The following LMO3 variants were observed in gnomAD, a reference collection of about 807,000 sequenced individuals.
LMO3 encodes the protein LIM domain only protein 3.
In LMO3, 2 loss-of-function variants were observed where a neutral mutation model predicts 15.8. The ratio of observed to expected loss-of-function variants is 0.13; its 90% confidence interval spans 0.05 to 0.40. LMO3 has a LOEUF of 0.40. Among genes scored for constraint, LMO3 ranks in the 10% least tolerant of loss-of-function variants. LMO3 has a pLI of 0.99. For synonymous variants in LMO3, 62 were observed against 63.8 expected (o/e 0.97, Z 0.13); for missense variants, 86 against 182.2 (o/e 0.47, Z 3.04).
rs1184859350 is a variant in LMO3 at position 16,560,037 on chromosome 12, C to T, written c.332+376G>A. On this transcript the variant is annotated intron_variant, in intron 3 of 3. Coordinates refer to ENST00000537304, the MANE Select transcript of LMO3 (RefSeq NM_018640.5). The surrounding 1 kb of genome is among the most constrained non-coding windows in gnomAD (Gnocchi z 5.0). ...TAATAAGAATATAAAATACCTGCAA[C>T]AAATTCCTGTATATTTGCTTCATTG... is the stretch of plus-strand genomic sequence containing the variant. Among the ~76,000 whole-genome samples the T allele has an allele frequency of 2.0e-5, 3 of 151,990 alleles. No individual in the cohort carries two copies. Among genetic ancestry groups the T allele is most frequent in the Non-Finnish European group, 4.4e-5 (3 of 67,990 alleles).
At position 16,551,062 on chromosome 12, in the gene LMO3, C is replaced by T. The variant is rs1239151648; in HGVS notation, c.*160G>A. ...TCAACTCTGAACTGGGGCAATTTCA[C>T]TACATACAGATGCAGTCCGCCTTTT... On this transcript the variant is annotated 3_prime_UTR_variant, in exon 4 of 4. Transcript: ENST00000537304. The T allele has an allele frequency of 1.1e-5, 6 of 545,802 alleles. No individual in the cohort carries two copies. Among genetic ancestry groups the T allele is most frequent in the African/African-American group, 3.7e-5 (2 of 53,504 alleles). The allele number at this position is 545,802 out of a possible 1,614,324, so 33.8% of individuals were successfully genotyped here.
At chr12:16,595,560 T>C (rs1374101453) in intron 2 of LMO3, among the ~76,000 whole-genome samples, 1 of 151,396 alleles carries the variant, frequency 6.6e-6, no homozygotes, top group Non-Finnish European at 1.5e-5. Context: ...CGCTAAAATA[T>C]TTAAAACAGA....
At chr12:16,572,339 CTTTTTTTTT>C (rs59773866) in intron 2 of LMO3, among the ~76,000 whole-genome samples, 4 of 89,530 alleles carry the variant, frequency 4.5e-5, no homozygotes, top group East Asian at 3.5e-4. Context: ...GGTCCAAACT[CTTTTTTTTT>C]TTTTTTTTTT....
rs1262734082 is a variant in LMO3 at position 16,604,677 on chromosome 12, A to C, written c.-9+1389T>G. 3.1e-6 allele frequency: 2 copies of C among 644,630 alleles called. No individual in the cohort carries two copies. The highest frequency in any genetic ancestry group is 5.3e-6 in the Non-Finnish European group (2 of 375,450). 39.9% of individuals were successfully genotyped at this position (644,630 alleles called of 1,614,324 possible). On this transcript the variant is annotated intron_variant, in intron 1 of 3. Coordinates refer to ENST00000537304, the MANE Select transcript of LMO3 (RefSeq NM_018640.5). The surrounding 1 kb of genome is among the most constrained non-coding windows in gnomAD (Gnocchi z 5.3). Reference sequence around the variant, plus strand: ...AGCCACACAGGGATGGTTTGCAAAGAATGTAGCAGTATTTGTTGCATCTAG... The same window carrying C: ...AGCCACACAGGGATGGTTTGCAAAGCATGTAGCAGTATTTGTTGCATCTAG...
intron 2 of LMO3, among the ~76,000 whole-genome samples, chr12:16,579,680 C>T (rs528976963): frequency 1.7e-4 from 26 of 152,302 alleles, no homozygotes; most frequent in Admixed American, 1.4e-3. Context: ...CTCAACCCCA[C>T]CTAGCCTACT....
At chr12:16,556,438 C>T (rs956756817) in intron 3 of LMO3, among the ~76,000 whole-genome samples, 1 of 152,142 alleles carries the variant, frequency 6.6e-6, no homozygotes, top group African/African-American at 2.4e-5. Flanking sequence ...GACAATCAAT[C>T]CTGAAAGGTT....
Position 16,560,601 on chromosome 12 carries a change from A to G in LMO3, c.207-63T>C, listed in dbSNP as rs535443745. ...TACAGAGAAATCTGAGATCGTGAAG[A>G]GAGATGATGTTAATATACTCTGTAA... is the stretch of plus-strand genomic sequence containing the variant. On this transcript the variant is annotated intron_variant, in intron 2 of 3. Coordinates refer to ENST00000537304, the MANE Select transcript of LMO3 (RefSeq NM_018640.5). This position sits in a 1 kb window ranked among gnomAD's most constrained non-coding sequence, Gnocchi z 5.0. The G allele has an allele frequency of 1.0e-4, 151 of 1,454,598 alleles. 2 individuals carry two copies. In the South Asian group the frequency reaches 1.7e-3, roughly 16 times the overall value. 90.1% of individuals were successfully genotyped at this position (1,454,598 alleles called of 1,614,324 possible).
intron 2 of LMO3, among the ~76,000 whole-genome samples, chr12:16,580,581 T>C (rs1306877133): frequency 6.6e-6 from 1 of 152,192 alleles, no homozygotes; most frequent in East Asian, 1.9e-4. Flanking sequence ...GGTAGTAGAT[T>C]ATATAAAATT....
rs1943729925 is a variant in LMO3 at position 16,598,600 on chromosome 12, A to G, written c.206+2055T>C. 6.6e-6 allele frequency: 1 copy of G among 152,226 alleles called. No homozygotes were observed. Among genetic ancestry groups the G allele is most frequent in the Admixed American group, 6.5e-5 (1 of 15,276 alleles). The allele number at this position is 152,226 out of a possible 1,614,324, so 9.4% of individuals were successfully genotyped here. A position where few individuals can be genotyped will look rare whatever the true frequency, so the allele number is the denominator to read the frequency against. On this transcript the variant is annotated intron_variant, in intron 2 of 3. Transcript: ENST00000537304. The surrounding 1 kb of genome is among the most constrained non-coding windows in gnomAD (Gnocchi z 4.3). Reference sequence around the variant, plus strand: ...GGTAACTGAAAGTTATTCTACAAAAAGCCACATACACTCTTATAGAGATAC... The same window carrying G: ...GGTAACTGAAAGTTATTCTACAAAAGGCCACATACACTCTTATAGAGATAC...
rs891989275 is a variant in LMO3, at chr12:16,576,497, T to A, written c.207-15959A>T. On this transcript the variant is annotated intron_variant, in intron 2 of 3. Coordinates refer to ENST00000537304, the MANE Select transcript of LMO3 (RefSeq NM_018640.5). This position sits in a 1 kb window ranked among gnomAD's most constrained non-coding sequence, Gnocchi z 4.1. ...GATCTATGAAGCCTCTCTGATTTCC[T>A]TGAGGCAGAATAAATAACACACTTC... 6.6e-6 allele frequency among the ~76,000 whole-genome samples: 1 copy of A among 152,216 alleles called. No homozygotes were observed. Among genetic ancestry groups the A allele is most frequent in the African/African-American group, 2.4e-5 (1 of 41,444 alleles).
chr12:16,552,621 C>G (rs867194806), intron 3 of LMO3, among the ~76,000 whole-genome samples: 4 of 151,978 alleles, frequency 2.6e-5, no homozygotes, highest in African/African-American at 9.7e-5. Context: ...AAAGAATTAG[C>G]TTTCCTCTTA....
intron 2 of LMO3, chr12:16,573,814 A>C (rs1007946540): frequency 6.6e-6 from 1 of 152,184 alleles, no homozygotes; most frequent in Non-Finnish European, 1.5e-5. Flanking sequence ...ATCCTGCTTT[A>C]CCACGTTAAG....
chr12:16,556,233 G>T (rs965133933), intron 3 of LMO3, among the ~76,000 whole-genome samples: 1 of 152,082 alleles, frequency 6.6e-6, no homozygotes, highest in Non-Finnish European at 1.5e-5. Context: ...AGGAGAAGGG[G>T]CTTATTCACC....
chr12:16,603,021 AG>A lies in LMO3; in HGVS notation c.-8-2154del, dbSNP rs922469235. On this transcript the variant is annotated intron_variant, in intron 1 of 3. Transcript: ENST00000537304. This position sits in a 1 kb window ranked among gnomAD's most constrained non-coding sequence, Gnocchi z 4.9. ...AAAAAAAAAATCCCAGTAGCAGCTA[AG>A]TTATATTTCCCACAGTTGTGTTTCT... is the stretch of plus-strand genomic sequence containing the variant. Among the ~76,000 whole-genome samples, 4 of 152,130 alleles carry A rather than the reference AG, an allele frequency of 2.6e-5. No homozygotes were observed. Among genetic ancestry groups the A allele is most frequent in the African/African-American group, 9.7e-5 (4 of 41,440 alleles).
At chr12:16,552,535 G>C (rs1263661430) in intron 3 of LMO3, among the ~76,000 whole-genome samples, 2 of 151,884 alleles carry the variant, frequency 1.3e-5, no homozygotes, top group Admixed American at 1.3e-4. Flanking sequence ...TTTCCAACTG[G>C]GTAGCTTTGG....
In LMO3 at chr12:16,569,686, G is replaced by T. The variant is rs980227553; in HGVS notation, c.207-9148C>A. Reference sequence around the variant, plus strand: ...AATCACAAAATCTTCGATCTGAAAAGAATCTTTTGTTGCTAGAATAAAAGA... The same window carrying T: ...AATCACAAAATCTTCGATCTGAAAATAATCTTTTGTTGCTAGAATAAAAGA... On this transcript the variant is annotated intron_variant, in intron 2 of 3. Transcript: ENST00000537304. Among the ~76,000 whole-genome samples, 7 of 152,182 alleles carry T rather than the reference G, an allele frequency of 4.6e-5. No homozygotes were observed. The South Asian group carries it at 8.3e-4, about 18-fold the overall frequency.
intron 2 of LMO3, among the ~76,000 whole-genome samples, chr12:16,572,339 C>CT (rs59773866): frequency 0.41 from 36,436 of 89,754 alleles, 8,356 homozygotes; most frequent in South Asian, 0.49. Flanking sequence ...GGTCCAAACT[C>CT]TTTTTTTTTT....
Position 16,590,144 on chromosome 12 carries a change from A to C in LMO3, c.206+10511T>G, listed in dbSNP as rs548979760. Reference sequence around the variant, plus strand: ...TTAAACTTAAACATTTTTAAAAGACACTTTGTACATACAAATCCCACTGTT... The same window carrying C: ...TTAAACTTAAACATTTTTAAAAGACCCTTTGTACATACAAATCCCACTGTT... On this transcript the variant is annotated intron_variant, in intron 2 of 3. Coordinates refer to ENST00000537304, the MANE Select transcript of LMO3 (RefSeq NM_018640.5). Among the ~76,000 whole-genome samples the C allele has an allele frequency of 2.6e-5, 4 of 152,212 alleles. No homozygotes were observed. The South Asian group carries it at 8.3e-4, about 32-fold the overall frequency.
At chr12:16,609,250 C>T (rs918301278), upstream of LMO3, 2 of 152,306 alleles carry the variant, frequency 1.3e-5, no homozygotes, top group African/African-American at 4.8e-5. Context: ...TCTGCTGACA[C>T]TTTGCGAAAA....
Sources: allele counts gnomAD v4.1 joint callset (sites outside exome capture counted in the v4.1 genomes callset), GRCh38; gene constraint gnomAD v4.1.1; non-coding constraint Gnocchi (gnomAD v3.1); transcripts MANE v1.5; gene names NCBI Gene and HGNC (gene_info 2026-07-23, HGNC 2026-07-21).